The following LTBP1 variants were observed in gnomAD, a reference collection of about 807,000 sequenced individuals.
The protein encoded by LTBP1 is latent transforming growth factor beta binding protein 1.
Under a neutral mutation model 207.6 loss-of-function variants are expected in LTBP1, and 129 were observed. The observed-to-expected ratio is 0.62, with a 90% confidence interval of 0.54 to 0.72. The LOEUF (loss-of-function observed/expected upper bound fraction) is 0.72, where lower values mean the gene tolerates loss of function less well. Ranked by LOEUF, LTBP1 falls within the 30% of genes least tolerant of loss-of-function variation. The pLI is 0.00. For missense variants in LTBP1, 2,281 were observed against 2,217.2 expected (o/e 1.03, Z -0.58); for synonymous variants, 963 against 833.7 (o/e 1.16, Z -2.67).
intron 3 of LTBP1, among the ~76,000 whole-genome samples, chr2:33,075,498 T>C (rs1367877606): frequency 6.6e-6 from 1 of 152,250 alleles, no homozygotes; most frequent in Non-Finnish European, 1.5e-5. Context: ...AACCATCTAT[T>C]TGTTGGTCCT....
intron 11 of LTBP1, among the ~76,000 whole-genome samples, chr2:33,254,876 T>TTTTTTTTTTTG (rs2092802955): frequency 8.2e-6 from 1 of 122,048 alleles, no homozygotes; most frequent in Non-Finnish European, 1.7e-5. Context: ...TTTTTTTTTT[T>TTTTTTTTTTTG]TTTTTTTGTA....
At chr2:33,367,457 C>T (rs2095004766) in intron 31 of LTBP1, among the ~76,000 whole-genome samples, 1 of 152,220 alleles carries the variant, frequency 6.6e-6, no homozygotes, top group South Asian at 2.1e-4. Flanking sequence ...TTAACAATAG[C>T]GAACACTGTG....
At chr2:33,048,149 A>T (rs551343951) in intron 3 of LTBP1, among the ~76,000 whole-genome samples, 7 of 152,274 alleles carry the variant, frequency 4.6e-5, no homozygotes, top group African/African-American at 1.7e-4. Flanking sequence ...GATCTGTTGT[A>T]AGGATAAGAA....
chr2:33,181,511 G>A (rs4670849), intron 5 of LTBP1, among the ~76,000 whole-genome samples: 66,614 of 151,990 alleles, frequency 0.44, 15,294 homozygotes, highest in Non-Finnish European at 0.5. Flanking sequence ...CAGTTGTACC[G>A]TGAGATACTT....
At chr2:33,059,361 A>G (rs553038771) in intron 3 of LTBP1, among the ~76,000 whole-genome samples, 2 of 152,352 alleles carry the variant, frequency 1.3e-5, no homozygotes, top group South Asian at 2.1e-4. Flanking sequence ...GAGATATTTC[A>G]GCCTTCCCCA....
chr2:33,179,391 C>T (rs979028393), intron 5 of LTBP1, among the ~76,000 whole-genome samples: 2 of 151,930 alleles, frequency 1.3e-5, no homozygotes, highest in Admixed American at 1.3e-4. Context: ...AAAACACCTT[C>T]ATTATAAAAG....
intron 2 of LTBP1, among the ~76,000 whole-genome samples, chr2:32,998,361 CA>C (rs1352384460): frequency 6.6e-6 from 1 of 151,198 alleles, no homozygotes; most frequent in Admixed American, 6.6e-5. Context: ...ACTAAAAATA[CA>C]AAAATTAGCT....
chr2:33,331,284 T>C (rs1300396803), intron 24 of LTBP1, among the ~76,000 whole-genome samples: 1 of 151,794 alleles, frequency 6.6e-6, no homozygotes, highest in Non-Finnish European at 1.5e-5. Context: ...TAAATTGTCT[T>C]TATTTCTAAC....
At chr2:33,396,479 C>T (rs1056921279) in intron 32 of LTBP1, among the ~76,000 whole-genome samples, 9 of 152,192 alleles carry the variant, frequency 5.9e-5, no homozygotes, top group Non-Finnish European at 1.5e-5. Flanking sequence ...GCCTCAGCCT[C>T]CCAAAGTGCT....
chr2:32,949,897 G>A (rs1676841454), intron 2 of LTBP1, among the ~76,000 whole-genome samples: 1 of 152,132 alleles, frequency 6.6e-6, no homozygotes, highest in South Asian at 2.1e-4. Context: ...TTGGCATAAT[G>A]GCCTTACTTT....
intron 3 of LTBP1, among the ~76,000 whole-genome samples, chr2:33,033,027 AT>A (rs2075758251): frequency 6.6e-6 from 1 of 152,224 alleles, no homozygotes; most frequent in Non-Finnish European, 1.5e-5. Context: ...AAAAACAAGG[AT>A]TTGATCAAGC....
intron 31 of LTBP1, among the ~76,000 whole-genome samples, chr2:33,366,167 G>A (rs753983932): frequency 2.6e-5 from 4 of 152,178 alleles, no homozygotes; most frequent in Admixed American, 6.5e-5. Context: ...TTTGGTGACC[G>A]TTGAGTTGTG....
chr2:33,329,092 A>G (rs1393092024), intron 24 of LTBP1, among the ~76,000 whole-genome samples: 1 of 152,172 alleles, frequency 6.6e-6, no homozygotes, highest in Admixed American at 6.6e-5. Context: ...TCACATATAT[A>G]TAGCCAGTTT....
intron 25 of LTBP1, among the ~76,000 whole-genome samples, chr2:33,343,807 G>T (rs1433127223): frequency 1.3e-5 from 2 of 152,126 alleles, no homozygotes; most frequent in Non-Finnish European, 2.9e-5. Flanking sequence ...AAAATAATTT[G>T]TATTTCATTG....
At chr2:33,237,465 G>T (rs918406464) in intron 9 of LTBP1, among the ~76,000 whole-genome samples, 1 of 152,058 alleles carries the variant, frequency 6.6e-6, no homozygotes, top group Non-Finnish European at 1.5e-5. Context: ...AAAAAGTTAT[G>T]TGTTCACATA....
chr2:33,213,034 C>A (rs574434558), intron 7 of LTBP1, among the ~76,000 whole-genome samples: 1 of 152,116 alleles, frequency 6.6e-6, no homozygotes, highest in African/African-American at 2.4e-5. Context: ...CTCACCGTTC[C>A]GCCTTTCCTC....
intron 3 of LTBP1, among the ~76,000 whole-genome samples, chr2:33,091,357 G>A (rs1002499583): frequency 3.3e-5 from 5 of 152,128 alleles, no homozygotes; most frequent in African/African-American, 1.2e-4. Flanking sequence ...AATACTAGTA[G>A]TAACAGAGAC....
intron 16 of LTBP1, among the ~76,000 whole-genome samples, chr2:33,274,620 C>T (rs889961084): frequency 6.6e-6 from 1 of 152,214 alleles, no homozygotes; most frequent in Non-Finnish European, 1.5e-5. Context: ...GGAAGAGTCT[C>T]TTTCATGGCA....
At chr2:33,065,471 T>C (rs1184027890) in intron 3 of LTBP1, among the ~76,000 whole-genome samples, 1 of 152,154 alleles carries the variant, frequency 6.6e-6, no homozygotes, top group Non-Finnish European at 1.5e-5. Context: ...GGAGGATTAC[T>C]TGAGCTCAGG....
Sources: gnomAD v4.1 joint callset for allele counts (sites outside exome capture counted in the v4.1 genomes callset) on GRCh38, gnomAD v4.1.1 for gene constraint, MANE v1.5 for transcripts, NCBI Gene and HGNC (gene_info 2026-07-23, HGNC 2026-07-21) for gene names.